Variants in FBXO46 observed in about 807,000 individuals in gnomAD.
FBXO46 encodes the protein F-box only protein 46.
In FBXO46, 13 loss-of-function variants were observed where a neutral mutation model predicts 30.7. That is an observed-to-expected ratio of 0.42 (90% CI 0.28 to 0.67). FBXO46 has a LOEUF of 0.67. Among genes scored for constraint, FBXO46 ranks in the 30% least tolerant of loss-of-function variants. FBXO46 has a pLI of 0.21. For missense variants in FBXO46, 754 were observed against 871.5 expected (o/e 0.87, Z 1.70); for synonymous variants, 467 against 385.8 (o/e 1.21, Z -2.47).
chr19:45,711,583 TG>T lies in FBXO46; in HGVS notation c.*100del. ...GTTCCGGTGAGGGATCAATGCTGCC[TG>T]GAGTAGGGGAATGGGCAGGCGGCCC... is the stretch of plus-strand genomic sequence containing the variant. On this transcript the variant is annotated 3_prime_UTR_variant, in exon 2 of 2. Transcript: ENST00000317683. 1 of 913,374 alleles carries T rather than the reference TG, an allele frequency of 1.1e-6. No individual in the cohort carries two copies. The highest frequency in any genetic ancestry group is 1.7e-6 in the Non-Finnish European group (1 of 578,704). 56.6% of individuals were successfully genotyped at this position (913,374 alleles called of 1,614,324 possible). A position where few individuals can be genotyped will look rare whatever the true frequency, so the allele number is the denominator to read the frequency against.
In FBXO46 at chr19:45,711,859, C is replaced by T; in HGVS notation, c.1637G>A (p.Arg546His). 1.9e-6 allele frequency: 3 copies of T among 1,613,628 alleles called. No homozygotes were observed. Among genetic ancestry groups the T allele is most frequent in the Non-Finnish European group, 2.5e-6 (3 of 1,179,790 alleles). ...ATGGTGGTAGGGCTTGGGGTGCCAG[C>T]GGCAGAGCGACACGTCGCCCTTCTC... ...RYEKGDVSLC[R>H]WHPKPYHHDL... The change falls in exon 2 of 2, where the codon CGC (arginine) becomes CAC (histidine). Residue 546 changes from arginine (R) to histidine (H), a missense_variant. By Grantham distance (29) the Arg-to-His change is conservative. This residue lies in a region of FBXO46 where 162 missense variants were observed against 258.7 expected (regional missense o/e 0.63). Coordinates refer to ENST00000317683, the MANE Select transcript of FBXO46 (RefSeq NM_001080469.2).
rs191846345 is a variant in FBXO46, at chr19:45,724,654, T to A, written c.-79+6195A>T. On this transcript the variant is annotated intron_variant, in intron 1 of 1. Transcript: ENST00000317683. ...AGACCCTGTCTCTACAAAAAAAAAA[T>A]TTCTTATTTTTTCTGTTCGAGACGG... Among the ~76,000 whole-genome samples, 1,102 of 151,312 alleles carry A rather than the reference T, an allele frequency of 7.3e-3. 21 individuals are homozygous for A. Among genetic ancestry groups the A allele is most frequent in the African/African-American group, 0.024 (999 of 41,212 alleles).
chr19:45,731,341 G>A (rs1161510883), upstream of FBXO46, among the ~76,000 whole-genome samples: 4 of 147,084 alleles, frequency 2.7e-5, no homozygotes, highest in African/African-American at 1.0e-4. Flanking sequence ...TTTTGAGACG[G>A]AGTCTTGCTC....
chr19:45,721,433 C>T (rs1190153239), intron 1 of FBXO46, among the ~76,000 whole-genome samples: 1 of 151,118 alleles, frequency 6.6e-6, no homozygotes, highest in Non-Finnish European at 1.5e-5. Flanking sequence ...CCCATCCCCA[C>T]CCCTAGTCAG....
upstream of FBXO46, among the ~76,000 whole-genome samples, chr19:45,732,964 G>C (rs922094788): frequency 1.4e-4 from 22 of 151,908 alleles, no homozygotes; most frequent in African/African-American, 5.3e-4. Flanking sequence ...AGGTTCTCAC[G>C]GTCTTCTCGA....
chr19:45,727,789 A>T (rs1181590425), intron 1 of FBXO46, among the ~76,000 whole-genome samples: 1 of 152,144 alleles, frequency 6.6e-6, no homozygotes, highest in Non-Finnish European at 1.5e-5. Flanking sequence ...GGCCTTAATG[A>T]CCCAAAAGTT....
chr19:45,718,099 C>T (rs1461966412), intron 1 of FBXO46, among the ~76,000 whole-genome samples: 2 of 152,170 alleles, frequency 1.3e-5, no homozygotes, highest in African/African-American at 4.8e-5. Context: ...CTGGAAAACA[C>T]CCAGGTACCC....
intron 1 of FBXO46, among the ~76,000 whole-genome samples, chr19:45,714,017 A>AGGT (rs1223489635): frequency 6.7e-6 from 1 of 148,666 alleles, no homozygotes; most frequent in Non-Finnish European, 1.5e-5. Flanking sequence ...TGCCATGCTC[A>AGGT]GGTGAGCAGA....
At position 45,712,412 on chromosome 19, in the gene FBXO46, A is replaced by G. The variant is rs988275990; in HGVS notation, c.1084T>C (p.Ser362Pro). 6.2e-7 allele frequency: 1 copy of G among 1,608,846 alleles called. No homozygotes were observed. Among genetic ancestry groups the G allele is most frequent in the African/African-American group, 1.3e-5 (1 of 74,864 alleles). ...ACCACCACGTCCACGTGGAAGCCTG[A>G]CGCTCCGCAGTCCCGGGCAGGGGGC... The part of the protein sequence containing the change: ...PPPPARDCGA[S>P]GFHVDVVVTG... The change falls in exon 2 of 2, where the codon TCA (serine) becomes CCA (proline). Residue 362 changes from serine to proline, a missense_variant. Transcript: ENST00000317683. The surrounding 1 kb of genome is among the most constrained non-coding windows in gnomAD (Gnocchi z 8.8).
Position 45,711,766 on chromosome 19 carries a change from C to CG in FBXO46, c.1729dup (p.Arg577ProfsTer7), listed in dbSNP as rs1967973872. The CG allele has an allele frequency of 6.3e-7, 1 of 1,590,616 alleles. No individual in the cohort carries two copies. Among genetic ancestry groups the CG allele is most frequent in the African/African-American group, 1.3e-5 (1 of 74,610 alleles). On this transcript the variant is annotated frameshift_variant, in exon 2 of 2. Transcript: ENST00000317683. LOFTEE classifies it high-confidence loss of function. Reference sequence around the variant, plus strand: ...CCAGTTGTTATCGTGGAGGCCCAGGCGGCAGCCGGGAGTCTCGCGGTCGGC... The same window carrying CG: ...CCAGTTGTTATCGTGGAGGCCCAGGCGGGCAGCCGGGAGTCTCGCGGTCGGC...
At chr19:45,730,642 C>T (rs1968295924) in intron 1 of FBXO46, among the ~76,000 whole-genome samples, 1 of 152,038 alleles carries the variant, frequency 6.6e-6, no homozygotes, top group Non-Finnish European at 1.5e-5. Context: ...AATTCCAAAG[C>T]TCCACTCCCA....
At chr19:45,731,799 A>G (rs1438574425), upstream of FBXO46, among the ~76,000 whole-genome samples, 1 of 151,660 alleles carries the variant, frequency 6.6e-6, no homozygotes, top group Non-Finnish European at 1.5e-5. Context: ...AGCCTGGGCG[A>G]CAGAATGAGA....
chr19:45,725,484 A>C (rs1215080139), intron 1 of FBXO46, among the ~76,000 whole-genome samples: 1 of 152,154 alleles, frequency 6.6e-6, no homozygotes, highest in Non-Finnish European at 1.5e-5. Context: ...TCACACCTGT[A>C]ATCCCAGCAG....
upstream of FBXO46, among the ~76,000 whole-genome samples, chr19:45,732,744 C>G (rs1211107232): frequency 1.3e-5 from 2 of 151,648 alleles, no homozygotes; most frequent in Non-Finnish European, 2.9e-5. Flanking sequence ...GCGCGCCCCA[C>G]CATGCCCGGC....
intron 1 of FBXO46, among the ~76,000 whole-genome samples, chr19:45,722,625 G>C (rs1297741856): frequency 6.6e-6 from 1 of 152,116 alleles, no homozygotes; most frequent in Non-Finnish European, 1.5e-5. Flanking sequence ...AGCTGGGTGT[G>C]GTGGCGGGCG....
chr19:45,723,160 C>A (rs1378322668), intron 1 of FBXO46, among the ~76,000 whole-genome samples: 1 of 152,074 alleles, frequency 6.6e-6, no homozygotes, highest in Non-Finnish European at 1.5e-5. Context: ...ATCGCTTGAG[C>A]CTTGGAGATC....
chr19:45,720,683 T>A (rs1244850687), intron 1 of FBXO46, among the ~76,000 whole-genome samples: 1 of 151,778 alleles, frequency 6.6e-6, no homozygotes, highest in Non-Finnish European at 1.5e-5. Context: ...AGTCTTGAAC[T>A]CTTGAACTCA....
intron 1 of FBXO46, chr19:45,716,401 A>G (rs1258129950): frequency 1.3e-5 from 2 of 151,294 alleles, no homozygotes; most frequent in Non-Finnish European, 2.9e-5. Context: ...CAGCATCTCA[A>G]TGTCCTCCCC....
rs918843210 is a variant in FBXO46, at chr19:45,722,977, C to G, written c.-79+7872G>C. Among the ~76,000 whole-genome samples, 7 of 152,130 alleles carry G rather than the reference C, an allele frequency of 4.6e-5. No individual in the cohort carries two copies. The East Asian group carries it at 5.8e-4, about 13-fold the overall frequency. ...GCAAAGGCAGGAGAATCGCTTGAAC[C>G]TGGGAGGTGGAGGTTGCAGTGAGCT... is the stretch of plus-strand genomic sequence containing the variant. On this transcript the variant is annotated intron_variant, in intron 1 of 1. Transcript: ENST00000317683.
Sources: allele counts gnomAD v4.1 joint callset (sites outside exome capture counted in the v4.1 genomes callset), GRCh38; gene constraint gnomAD v4.1.1; regional missense constraint gnomAD v4.1.1; non-coding constraint Gnocchi (gnomAD v3.1); transcripts MANE v1.5; gene names NCBI Gene and HGNC (gene_info 2026-07-23, HGNC 2026-07-21).